Variants in UMAD1 observed in about 807,000 individuals in gnomAD.
UMAD1 encodes the protein UBAP1-MVB12-associated (UMA) domain containing 1.
UMAD1 carries 8 observed loss-of-function variants against 6.1 expected under a neutral mutation model. The observed-to-expected ratio is 1.30, with a 90% CI of 0.76 to 2.35. The LOEUF (loss-of-function observed/expected upper bound fraction) is 2.35. Among genes scored for constraint, UMAD1 ranks in the 30% most tolerant of loss-of-function variants. UMAD1 has a pLI of 0.00. For missense variants in UMAD1, 130 were observed against 78.4 expected (o/e 1.66, Z -2.49); for synonymous variants, 56 against 31.4 (o/e 1.78, Z -2.61).
At chr7:7,676,628 G>T (rs1779747590) in intron 2 of UMAD1, among the ~76,000 whole-genome samples, 1 of 152,142 alleles carries the variant, frequency 6.6e-6, no homozygotes. Flanking sequence ...GTTGGTGGTT[G>T]TAATACTGTT....
chr7:7,783,091 T>G (rs1267419370), intron 2 of UMAD1, among the ~76,000 whole-genome samples: 1 of 152,182 alleles, frequency 6.6e-6, no homozygotes, highest in African/African-American at 2.4e-5. Context: ...ATCTAGAGAT[T>G]AACTGTCTTC....
At chr7:7,784,860 T>C (rs532367162) in intron 2 of UMAD1, among the ~76,000 whole-genome samples, 1 of 147,324 alleles carries the variant, frequency 6.8e-6, no homozygotes, top group Admixed American at 6.8e-5. Flanking sequence ...CCCCTGGGGT[T>C]CACGCCATTC....
At chr7:7,644,305 G>A (rs1015922863) in intron 1 of UMAD1, among the ~76,000 whole-genome samples, 1 of 148,354 alleles carries the variant, frequency 6.7e-6, no homozygotes, top group Admixed American at 6.7e-5. Flanking sequence ...AATGGTACAA[G>A]TGTTGTCTGT....
intron 3 of UMAD1, 79 bp from the exon 4 acceptor site, chr7:7,877,202 G>T: frequency 4.6e-6 from 3 of 651,972 alleles, no homozygotes; most frequent in Non-Finnish European, 8.6e-6. Context: ...CAATCATTTT[G>T]ATGTATTAAT....
chr7:7,801,482 A>G (rs551600910), intron 2 of UMAD1, among the ~76,000 whole-genome samples, 188 bp from the exon 3 acceptor site: 15 of 152,224 alleles, frequency 9.9e-5, no homozygotes, highest in Non-Finnish European at 2.1e-4. Context: ...TTTATGAATG[A>G]TATATGAGAC....
chr7:7,867,679 A>G (rs1404181601), intron 3 of UMAD1, among the ~76,000 whole-genome samples: 2 of 152,180 alleles, frequency 1.3e-5, no homozygotes, highest in Admixed American at 1.3e-4. Flanking sequence ...TGAGGGAGGC[A>G]TGGCAGACAG....
intron 2 of UMAD1, among the ~76,000 whole-genome samples, chr7:7,704,158 G>A (rs548757286): frequency 5.3e-5 from 8 of 152,130 alleles, no homozygotes; most frequent in Non-Finnish European, 7.4e-5. Context: ...GAATGCAGAA[G>A]AGAAAGGCCA....
At chr7:7,782,732 CTCTTT>C (rs1782371870) in intron 2 of UMAD1, among the ~76,000 whole-genome samples, 1 of 145,852 alleles carries the variant, frequency 6.9e-6, no homozygotes, top group African/African-American at 2.6e-5. Flanking sequence ...TATAACCTCT[CTCTTT>C]TTTTTTTTTT....
intron 3 of UMAD1, among the ~76,000 whole-genome samples, chr7:7,816,047 AT>A (rs1783118351): frequency 6.6e-6 from 1 of 152,170 alleles, no homozygotes; most frequent in Non-Finnish European, 1.5e-5. Context: ...TTAAAAAAAA[AT>A]CTTGGATAAG....
intron 2 of UMAD1, among the ~76,000 whole-genome samples, chr7:7,756,387 T>C (rs972561897): frequency 6.6e-6 from 1 of 152,194 alleles, no homozygotes; most frequent in African/African-American, 2.4e-5. Flanking sequence ...AAATCTAGCT[T>C]ATCCTGGCTT....
chr7:7,647,231 T>G (rs1785118558), intron 1 of UMAD1, among the ~76,000 whole-genome samples: 1 of 152,228 alleles, frequency 6.6e-6, no homozygotes, highest in Non-Finnish European at 1.5e-5. Flanking sequence ...TTTCAGCATA[T>G]TTCTTTTTTG....
intron 1 of UMAD1, among the ~76,000 whole-genome samples, chr7:7,647,519 A>C (rs1364909259): frequency 2.0e-5 from 3 of 152,212 alleles, no homozygotes; most frequent in African/African-American, 7.2e-5. Context: ...TTGTCTGCTT[A>C]ATATCTCAAT....
At chr7:7,835,095 G>A (rs1404732391) in intron 3 of UMAD1, among the ~76,000 whole-genome samples, 1 of 152,128 alleles carries the variant, frequency 6.6e-6, no homozygotes, top group African/African-American at 2.4e-5. Flanking sequence ...AGATTTGGGT[G>A]GAAACACAGA....
intron 3 of UMAD1, among the ~76,000 whole-genome samples, chr7:7,847,807 T>A (rs1209288379): frequency 6.6e-6 from 1 of 152,154 alleles, no homozygotes; most frequent in Non-Finnish European, 1.5e-5. Flanking sequence ...TGCCTCAGCC[T>A]GTCAAAATGC....
intron 2 of UMAD1, among the ~76,000 whole-genome samples, chr7:7,701,221 A>G (rs961806089): frequency 6.6e-6 from 1 of 151,542 alleles, no homozygotes; most frequent in Non-Finnish European, 1.5e-5. Context: ...AATGAACTGT[A>G]TCATTTCCTC....
At chr7:7,845,556 A>T (rs1783768579) in intron 3 of UMAD1, among the ~76,000 whole-genome samples, 1 of 152,126 alleles carries the variant, frequency 6.6e-6, no homozygotes, top group Admixed American at 6.5e-5. Flanking sequence ...CTTTTATTAT[A>T]AGAGGAAATG....
At chr7:7,742,461 G>A in intron 2 of UMAD1, 1 of 539,140 alleles carries the variant, frequency 1.9e-6, no homozygotes, top group Non-Finnish European at 3.7e-6. Flanking sequence ...TTTTTTTGTG[G>A]TTGTGGACAC....
intron 3 of UMAD1, among the ~76,000 whole-genome samples, chr7:7,833,707 T>C (rs1331679957): frequency 6.6e-6 from 1 of 152,162 alleles, no homozygotes; most frequent in East Asian, 1.9e-4. Context: ...CTTTACACTG[T>C]GAAAAACGAA....
Position 7,673,306 on chromosome 7 carries a change from C to G in UMAD1, c.-63-3C>G, listed in dbSNP as rs546784170. The G allele has an allele frequency of 4.8e-5, 53 of 1,101,860 alleles. No homozygotes were observed. In the East Asian group the frequency reaches 1.3e-3, roughly 28 times the overall value. The allele number at this position is 1,101,860 out of a possible 1,614,324, so 68.3% of individuals were successfully genotyped here. Reference sequence around the variant, plus strand: ...TTGACATTGTGTAATGTTTCTATTTCAGGTAGCAGCAGCAGCAGCAGCAGC... The same window carrying G: ...TTGACATTGTGTAATGTTTCTATTTGAGGTAGCAGCAGCAGCAGCAGCAGC... On this transcript the variant is annotated splice_region_variant and splice_polypyrimidine_tract_variant and intron_variant, in intron 1 of 3. Coordinates refer to ENST00000682710, the MANE Select transcript of UMAD1 (RefSeq NM_001302348.2).
Sources: allele counts gnomAD v4.1 joint callset (sites outside exome capture counted in the v4.1 genomes callset), GRCh38; gene constraint gnomAD v4.1.1; transcripts MANE v1.5; gene names NCBI Gene and HGNC (gene_info 2026-07-23, HGNC 2026-07-21).